SLC44A5: variants seen among roughly 807,000 people sequenced by gnomAD.
SLC44A5 encodes the protein solute carrier family 44 member 5, also known as choline transporter-like protein 5.
Under a neutral mutation model 101.8 loss-of-function variants are expected in SLC44A5, and 57 were observed. The observed-to-expected ratio is 0.56, with a 90% CI of 0.45 to 0.70. The LOEUF is 0.70. Ranked by LOEUF, SLC44A5 falls within the 30% of genes least tolerant of loss-of-function variation. The pLI is 0.00. For missense variants in SLC44A5, 737 were observed against 853.1 expected (o/e 0.86, Z 1.70); for synonymous variants, 281 against 290.9 (o/e 0.97, Z 0.35).
the SLC44A5 span, among the ~76,000 whole-genome samples, chr1:75,650,248 C>G: frequency 6.6e-6 from 1 of 152,136 alleles, no homozygotes; most frequent in African/African-American, 2.4e-5. Flanking sequence ...TAAACATCAT[C>G]TGTATTATTA....
At chr1:75,631,369 G>A in the SLC44A5 span, among the ~76,000 whole-genome samples, 1 of 151,794 alleles carries the variant, frequency 6.6e-6, no homozygotes, top group Non-Finnish European at 1.5e-5. Context: ...CTAAGACAGA[G>A]ACAATATCAC....
At chr1:75,210,999 C>A (rs1646841985) in intron 23 of SLC44A5, among the ~76,000 whole-genome samples, 1 of 152,084 alleles carries the variant, frequency 6.6e-6, no homozygotes, top group African/African-American at 2.4e-5. Flanking sequence ...ATGTCCATAA[C>A]CTCCCATAGT....
At chr1:75,542,468 A>C (rs932691177) in intron 1 of SLC44A5, among the ~76,000 whole-genome samples, 2 of 152,112 alleles carry the variant, frequency 1.3e-5, no homozygotes. Context: ...ATACTGTTGG[A>C]TATTGAGATT....
At chr1:75,449,875 C>T (rs755435801) in intron 2 of SLC44A5, among the ~76,000 whole-genome samples, 4 of 152,010 alleles carry the variant, frequency 2.6e-5, no homozygotes, top group Non-Finnish European at 5.9e-5. Flanking sequence ...CTGGCGCATG[C>T]CTGTAGTACC....
the SLC44A5 span, among the ~76,000 whole-genome samples, chr1:75,716,588 T>C: frequency 6.6e-6 from 1 of 152,190 alleles, no homozygotes; most frequent in Non-Finnish European, 1.5e-5. Flanking sequence ...AATACAGAAT[T>C]ACCAGAAATC....
At chr1:75,702,115 A>T in the SLC44A5 span, among the ~76,000 whole-genome samples, 36,386 of 151,704 alleles carry the variant, frequency 0.24, 4,693 homozygotes, top group Non-Finnish European at 0.3. Flanking sequence ...GCCATCCCCA[A>T]CAAGCTACCA....
chr1:75,692,485 G>A, the SLC44A5 span, among the ~76,000 whole-genome samples: 5 of 152,122 alleles, frequency 3.3e-5, no homozygotes, highest in African/African-American at 9.7e-5. Flanking sequence ...ATGAGCCACC[G>A]CAGCCGGCCC....
intron 5 of SLC44A5, among the ~76,000 whole-genome samples, chr1:75,280,585 T>A (rs1211590584): frequency 6.8e-6 from 1 of 147,966 alleles, no homozygotes; most frequent in Non-Finnish European, 1.5e-5. Context: ...TCTGGCCTTG[T>A]GTCCCCACTA....
At chr1:75,354,415 C>G (rs1658914396) in intron 3 of SLC44A5, among the ~76,000 whole-genome samples, 1 of 152,200 alleles carries the variant, frequency 6.6e-6, no homozygotes, top group Admixed American at 6.5e-5. Flanking sequence ...CTTGCTGGCT[C>G]CCAGCTTCTA....
rs756816053 is a variant in SLC44A5 at position 75,202,993 on chromosome 1, G to A, written c.*734C>T. The A allele has an allele frequency of 6.6e-6, 1 of 152,164 alleles. No homozygotes were observed. Among genetic ancestry groups the A allele is most frequent in the Non-Finnish European group, 1.5e-5 (1 of 68,014 alleles). 9.4% of individuals were successfully genotyped at this position (152,164 alleles called of 1,614,324 possible). A position where few individuals can be genotyped will look rare whatever the true frequency, so the allele number is the denominator to read the frequency against. ...GCACAATGTATTCCATAATAGTGAG[G>A]ATATCAAACAGAGCAAAATGACAAA... On this transcript the variant is annotated 3_prime_UTR_variant, in exon 24 of 24. Coordinates refer to ENST00000370859, the MANE Select transcript of SLC44A5 (RefSeq NM_001130058.2).
the SLC44A5 span, among the ~76,000 whole-genome samples, chr1:75,627,515 C>T: frequency 2.0e-5 from 3 of 151,814 alleles, no homozygotes; most frequent in African/African-American, 7.3e-5. Context: ...CTTGTCTGTA[C>T]AAAAAAATTT....
chr1:75,545,274 T>G (rs2748444), intron 1 of SLC44A5, among the ~76,000 whole-genome samples: 10 of 152,142 alleles, frequency 6.6e-5, no homozygotes, highest in Admixed American at 5.9e-4. Context: ...ACATTTGGGT[T>G]GGTTACAAGT....
At chr1:75,393,897 G>T (rs1661956872) in intron 3 of SLC44A5, among the ~76,000 whole-genome samples, 1 of 152,138 alleles carries the variant, frequency 6.6e-6, no homozygotes, top group African/African-American at 2.4e-5. Context: ...CCTTATTAGA[G>T]AAAGGAAGGT....
At chr1:75,243,594 A>G (rs964670801) in intron 7 of SLC44A5, among the ~76,000 whole-genome samples, 1 of 152,126 alleles carries the variant, frequency 6.6e-6, no homozygotes, top group Non-Finnish European at 1.5e-5. Flanking sequence ...TTGTAAATCA[A>G]CATGTAGTTG....
At chr1:75,683,645 T>C in the SLC44A5 span, among the ~76,000 whole-genome samples, 4 of 152,124 alleles carry the variant, frequency 2.6e-5, no homozygotes, top group East Asian at 1.9e-4. Flanking sequence ...TTGGGAGATA[T>C]ACCTAATGCT....
intron 5 of SLC44A5, among the ~76,000 whole-genome samples, chr1:75,294,379 T>G (rs1653799232): frequency 6.6e-6 from 1 of 152,134 alleles, no homozygotes; most frequent in Admixed American, 6.5e-5. Context: ...ACACTGTTAG[T>G]AGGAATGTAA....
chr1:75,455,050 G>A lies in SLC44A5; in HGVS notation c.14-58429C>T, dbSNP rs536702545. On this transcript the variant is annotated intron_variant, in intron 2 of 23. Coordinates refer to ENST00000370859, the MANE Select transcript of SLC44A5 (RefSeq NM_001130058.2). ...AAAATTCATATGGAACACAAAAAGAGCCCAAATAGCCCAGACAATTCTAAG... is the reference window on the plus strand; with the variant it reads ...AAAATTCATATGGAACACAAAAAGAACCCAAATAGCCCAGACAATTCTAAG... 2.0e-5 allele frequency among the ~76,000 whole-genome samples: 3 copies of A among 152,038 alleles called. No homozygotes were observed. The East Asian group carries it at 5.8e-4, about 29-fold the overall frequency.
chr1:75,383,599 C>T (rs1465762827), intron 3 of SLC44A5, among the ~76,000 whole-genome samples: 7 of 152,068 alleles, frequency 4.6e-5, no homozygotes, highest in Admixed American at 1.3e-4. Context: ...CTGAAAGTGA[C>T]GGGGAGAATG....
intron 2 of SLC44A5, among the ~76,000 whole-genome samples, chr1:75,533,258 G>A (rs927440502): frequency 2.0e-5 from 3 of 152,120 alleles, no homozygotes; most frequent in Non-Finnish European, 4.4e-5. Flanking sequence ...AGTAGAATGA[G>A]TAACTTTTAA....
Sources: gnomAD v4.1 joint callset for allele counts (sites outside exome capture counted in the v4.1 genomes callset) on GRCh38, gnomAD v4.1.1 for gene constraint, MANE v1.5 for transcripts, NCBI Gene and HGNC (gene_info 2026-07-23, HGNC 2026-07-21) for gene names.